ST8SIA2: variants seen among roughly 807,000 people sequenced by gnomAD.
The protein encoded by ST8SIA2 is ST8 alpha-N-acetyl-neuraminide alpha-2,8-sialyltransferase 2, also known as alpha-2,8-sialyltransferase 8B.
In ST8SIA2, 22 loss-of-function variants were observed where a neutral mutation model predicts 37.6. The ratio of observed to expected loss-of-function variants is 0.58; its 90% CI spans 0.42 to 0.83. The LOEUF (loss-of-function observed/expected upper bound fraction) is 0.83. Among genes scored for constraint, ST8SIA2 ranks in the 40% least tolerant of loss-of-function variants. The pLI, the probability that ST8SIA2 is intolerant of heterozygous loss-of-function variation, is 0.00. For synonymous variants in ST8SIA2, 205 were observed against 201.2 expected (o/e 1.02, Z -0.16); for missense variants, 382 against 484.7 (o/e 0.79, Z 1.99).
chr15:92,396,919 T>TA (rs1159981373), intron 1 of ST8SIA2, among the ~76,000 whole-genome samples: 1 of 152,226 alleles, frequency 6.6e-6, no homozygotes, highest in African/African-American at 2.4e-5. Context: ...TTCCTCACCA[T>TA]ATGCCTTCCT....
At chr15:92,402,184 G>C (rs2049476853) in intron 1 of ST8SIA2, among the ~76,000 whole-genome samples, 1 of 152,082 alleles carries the variant, frequency 6.6e-6, no homozygotes, top group African/African-American at 2.4e-5. Flanking sequence ...GATCCACAAG[G>C]TATTCTGAAA....
At chr15:92,439,035 A>G (rs4777711) in intron 4 of ST8SIA2, among the ~76,000 whole-genome samples, 85,745 of 152,002 alleles carry the variant, frequency 0.56, 24,969 homozygotes, top group African/African-American at 0.69. Context: ...GCACGGTTAA[A>G]TCATTGGGTG....
At chr15:92,442,826 G>T (rs141071076) in intron 4 of ST8SIA2, among the ~76,000 whole-genome samples, 1 of 152,156 alleles carries the variant, frequency 6.6e-6, no homozygotes, top group East Asian at 1.9e-4. Context: ...TATTTTAGGG[G>T]GTTCAGTCTG....
At chr15:92,432,714 T>C (rs1298126248) in intron 2 of ST8SIA2, among the ~76,000 whole-genome samples, 8 of 152,208 alleles carry the variant, frequency 5.3e-5, no homozygotes, top group African/African-American at 1.9e-4. Context: ...GTTACAGATA[T>C]TTGAATTCAA....
chr15:92,438,273 A>G (rs2049774078), intron 3 of ST8SIA2, 80 bp from the exon 4 acceptor site: 1 of 1,608,666 alleles, frequency 6.2e-7, no homozygotes, highest in Non-Finnish European at 8.5e-7. Context: ...GTGCAGGGCG[A>G]CCCTGGATAG....
intron 1 of ST8SIA2, among the ~76,000 whole-genome samples, chr15:92,416,228 A>AGG (rs762252408): frequency 7.7e-5 from 1 of 12,990 alleles, no homozygotes; most frequent in African/African-American, 3.3e-4. Context: ...GGACACTTGA[A>AGG]GGGGGGGTGG....
At chr15:92,432,152 A>G (rs1257146172) in intron 2 of ST8SIA2, among the ~76,000 whole-genome samples, 1 of 152,166 alleles carries the variant, frequency 6.6e-6, no homozygotes, top group Non-Finnish European at 1.5e-5. Flanking sequence ...ATGAGACACC[A>G]GAGCCCAGTC....
rs565248358 is a variant in ST8SIA2 at position 92,424,663 on chromosome 15, G to T, written c.99-5386G>T. 2.6e-5 allele frequency among the ~76,000 whole-genome samples: 4 copies of T among 151,290 alleles called. No homozygotes were observed. The East Asian group carries it at 7.7e-4, about 29-fold the overall frequency. ...GAGTCTTGCTCTGTCACCCAGGCTG[G>T]AGTGCAGTGGCAATCTCAGCTCACT... On this transcript the variant is annotated intron_variant, in intron 1 of 5. Transcript: ENST00000268164.
At chr15:92,424,448 T>C (rs530340167) in intron 1 of ST8SIA2, among the ~76,000 whole-genome samples, 19 of 152,090 alleles carry the variant, frequency 1.2e-4, no homozygotes, top group Non-Finnish European at 2.6e-4. Context: ...AAAAATGCAG[T>C]TTTCAGGTTT....
chr15:92,448,652 G>T (rs1017005903), intron 5 of ST8SIA2, among the ~76,000 whole-genome samples: 4 of 152,314 alleles, frequency 2.6e-5, no homozygotes, highest in Middle Eastern at 3.4e-3. Flanking sequence ...TGCCTACTGT[G>T]ATTGTGGCAG....
chr15:92,394,841 G>A (rs1287553343), intron 1 of ST8SIA2, among the ~76,000 whole-genome samples: 2 of 152,220 alleles, frequency 1.3e-5, no homozygotes, highest in Non-Finnish European at 2.9e-5. Flanking sequence ...GCGACCCTGG[G>A]TTCCTGTGCG....
chr15:92,461,199 C>T (rs1019758930), intron 5 of ST8SIA2, among the ~76,000 whole-genome samples: 1 of 152,134 alleles, frequency 6.6e-6, no homozygotes, highest in Non-Finnish European at 1.5e-5. Flanking sequence ...CAGTTCTGTA[C>T]GTGGCCAGTG....
chr15:92,443,093 G>T (rs2049814891), intron 4 of ST8SIA2, among the ~76,000 whole-genome samples: 1 of 152,116 alleles, frequency 6.6e-6, no homozygotes, highest in Non-Finnish European at 1.5e-5. Flanking sequence ...TTTCTCCCCA[G>T]TTGTTGAAAA....
Position 92,411,696 on chromosome 15 carries a change from A to G in ST8SIA2, c.98+17534A>G, listed in dbSNP as rs549813545. ...TAGGTACAGCCACTGAGGCCCTGAGATAGGAAGTGACTTGTCCACAGTCAC... is the reference window on the plus strand; with the variant it reads ...TAGGTACAGCCACTGAGGCCCTGAGGTAGGAAGTGACTTGTCCACAGTCAC... On this transcript the variant is annotated intron_variant, in intron 1 of 5. Transcript: ENST00000268164. 1.4e-4 allele frequency among the ~76,000 whole-genome samples: 22 copies of G among 152,246 alleles called. No homozygotes were observed. In the South Asian group the frequency reaches 4.6e-3, roughly 32 times the overall value.
At chr15:92,441,500 GA>G (rs2141836702) in intron 4 of ST8SIA2, among the ~76,000 whole-genome samples, 1 of 152,094 alleles carries the variant, frequency 6.6e-6, no homozygotes, top group Admixed American at 6.5e-5. Context: ...CCAGGCTGAG[GA>G]CACTGTGTCT....
rs939497572 is a variant in ST8SIA2 at position 92,466,047 on chromosome 15, T to G, written c.*1662T>G. 6.6e-6 allele frequency: 1 copy of G among 152,154 alleles called. No homozygotes were observed. The highest frequency in any genetic ancestry group is 6.5e-5 in the Admixed American group (1 of 15,278). 9.4% of individuals were successfully genotyped at this position (152,154 alleles called of 1,614,324 possible). A position where few individuals can be genotyped will look rare whatever the true frequency, so the allele number is the denominator to read the frequency against. ...TATGAGACCAGATGTAATTAATCAA[T>G]GGCAATGCAGAACAGGACCTTGGCT... On this transcript the variant is annotated 3_prime_UTR_variant, in exon 6 of 6. Coordinates refer to ENST00000268164, the MANE Select transcript of ST8SIA2 (RefSeq NM_006011.4).
chr15:92,441,994 C>T (rs1178790875), intron 4 of ST8SIA2, among the ~76,000 whole-genome samples: 4 of 152,236 alleles, frequency 2.6e-5, no homozygotes, highest in Admixed American at 6.5e-5. Context: ...TGACTCCTCT[C>T]CTGCCCGGAG....
intron 5 of ST8SIA2, among the ~76,000 whole-genome samples, chr15:92,452,711 C>T (rs558207221): frequency 1.3e-5 from 2 of 152,298 alleles, no homozygotes; most frequent in African/African-American, 2.4e-5. Flanking sequence ...CACATCTGGA[C>T]GTAAGTCAGC....
At chr15:92,426,537 T>G (rs1197546762) in intron 1 of ST8SIA2, among the ~76,000 whole-genome samples, 1 of 152,040 alleles carries the variant, frequency 6.6e-6, no homozygotes, top group Non-Finnish European at 1.5e-5. Flanking sequence ...GAGATTTGAG[T>G]TCTCCAGGAC....
Sources: allele counts gnomAD v4.1 joint callset (sites outside exome capture counted in the v4.1 genomes callset), GRCh38; gene constraint gnomAD v4.1.1; transcripts MANE v1.5; gene names NCBI Gene and HGNC (gene_info 2026-07-23, HGNC 2026-07-21).